TENM2: variants seen among roughly 807,000 people sequenced by gnomAD.
TENM2 encodes teneurin transmembrane protein 2, also known as teneurin-2.
A neutral mutation model predicts 245.2 loss-of-function variants in TENM2; 52 were observed. That is an observed-to-expected ratio of 0.21 (90% confidence interval 0.17 to 0.27). TENM2 has a LOEUF of 0.27. TENM2 is among the 10% of genes least tolerant of loss of function. The pLI is 1.00. For missense variants in TENM2, 3,046 were observed against 3,666.8 expected, an observed-to-expected ratio of 0.83 and a Z score of 4.37; for synonymous variants, 1,363 against 1,438.9, an observed-to-expected ratio of 0.95 and a Z score of 1.19.
chr5:167,564,737 G>A (rs948014664), intron 2 of TENM2, among the ~76,000 whole-genome samples: 28 of 152,250 alleles, frequency 1.8e-4, no homozygotes, highest in Non-Finnish European at 2.5e-4. Flanking sequence ...ATATTTGAGC[G>A]TTTCCCTCCT....
Position 167,290,507 on chromosome 5 carries a change from G to A in TENM2, c.226+5444G>A, listed in dbSNP as rs562609945. Among the ~76,000 whole-genome samples, 3 of 152,234 alleles carry A rather than the reference G, an allele frequency of 2.0e-5. No homozygotes were observed. The South Asian group carries it at 6.2e-4, about 32-fold the overall frequency. On this transcript the variant is annotated intron_variant, in intron 1 of 28. Coordinates refer to ENST00000518659, the Ensembl canonical transcript of TENM2. ...TGCTCTCCGACCCTAATAATACTTTGGTGCAACAGAAATTTTTCTTTCCTC... is the reference window on the plus strand; with the variant it reads ...TGCTCTCCGACCCTAATAATACTTTAGTGCAACAGAAATTTTTCTTTCCTC...
intron 2 of TENM2, among the ~76,000 whole-genome samples, chr5:167,465,470 G>T (rs1465232943): frequency 2.0e-5 from 3 of 152,152 alleles, no homozygotes; most frequent in African/African-American, 7.2e-5. Flanking sequence ...ATCTCACTGG[G>T]ACTCTCTATC....
intron 2 of TENM2, among the ~76,000 whole-genome samples, chr5:167,740,396 A>G (rs1761098701): frequency 6.6e-6 from 1 of 152,192 alleles, no homozygotes; most frequent in African/African-American, 2.4e-5. Context: ...TGCACCCAGA[A>G]CTGATAGAAT....
chr5:167,655,302 C>T (rs1754767449), intron 2 of TENM2, among the ~76,000 whole-genome samples: 1 of 152,146 alleles, frequency 6.6e-6, no homozygotes, highest in Non-Finnish European at 1.5e-5. Flanking sequence ...TCTACACCAA[C>T]AATTTTTCCA....
At chr5:167,497,689 C>A (rs1044956096) in intron 2 of TENM2, among the ~76,000 whole-genome samples, 1 of 152,040 alleles carries the variant, frequency 6.6e-6, no homozygotes, top group Non-Finnish European at 1.5e-5. Context: ...GGGTAGGTAT[C>A]GCACTGCTAA....
chr5:167,515,545 T>G (rs577435260), intron 2 of TENM2, among the ~76,000 whole-genome samples: 1 of 147,690 alleles, frequency 6.8e-6, no homozygotes, highest in East Asian at 2.0e-4. Context: ...TTCAGAGCCT[T>G]GTCCTCGAAG....
At chr5:167,770,367 G>A (rs771180746) in intron 2 of TENM2, among the ~76,000 whole-genome samples, 13 of 152,106 alleles carry the variant, frequency 8.5e-5, no homozygotes, top group Admixed American at 1.3e-4. Context: ...GAGAAGTTAC[G>A]GATGGCTGCA....
intron 2 of TENM2, among the ~76,000 whole-genome samples, chr5:167,574,606 A>G (rs1343869258): frequency 6.6e-6 from 1 of 151,880 alleles, no homozygotes; most frequent in Non-Finnish European, 1.5e-5. Context: ...CAAATGAAAT[A>G]TGAAGTTAAA....
At chr5:168,186,384 C>T (rs1405034568) in intron 13 of TENM2, 1 of 152,172 alleles carries the variant, frequency 6.6e-6, no homozygotes, top group Admixed American at 6.5e-5. Context: ...GATCACATTT[C>T]TCTGAAATTG....
At chr5:167,262,735 T>C in the TENM2 span, among the ~76,000 whole-genome samples, 5 of 152,168 alleles carry the variant, frequency 3.3e-5, no homozygotes, top group Non-Finnish European at 7.3e-5. Context: ...CCCTCAGTAT[T>C]AGTAAATTTA....
chr5:167,121,788 C>T, the TENM2 span, among the ~76,000 whole-genome samples: 1 of 152,156 alleles, frequency 6.6e-6, no homozygotes, highest in Non-Finnish European at 1.5e-5. Flanking sequence ...AAAAACTTTC[C>T]TCTGTATAGA....
intron 2 of TENM2, among the ~76,000 whole-genome samples, chr5:167,460,611 T>C (rs1196345325): frequency 6.6e-6 from 1 of 152,138 alleles, no homozygotes; most frequent in Non-Finnish European, 1.5e-5. Context: ...GTCTTTTTTT[T>C]TTTTCTCCCT....
At chr5:167,164,257 G>A in the TENM2 span, among the ~76,000 whole-genome samples, 1 of 152,162 alleles carries the variant, frequency 6.6e-6, no homozygotes, top group Non-Finnish European at 1.5e-5. Flanking sequence ...TAGGTGAGCT[G>A]CTTTACCTCT....
the TENM2 span, among the ~76,000 whole-genome samples, chr5:167,005,696 C>G: frequency 1.8e-5 from 2 of 113,694 alleles, no homozygotes; most frequent in Non-Finnish European, 3.3e-5. Flanking sequence ...GAGTCTCACT[C>G]TGTTGCCCAG....
chr5:167,493,542 G>T, intron 2 of TENM2, among the ~76,000 whole-genome samples: 1 of 152,182 alleles, frequency 6.6e-6, no homozygotes, highest in East Asian at 1.9e-4. Flanking sequence ...AATAACCATA[G>T]CCCCATTATT....
chr5:167,987,878 G>T (rs558098486), intron 4 of TENM2, among the ~76,000 whole-genome samples: 66 of 152,264 alleles, frequency 4.3e-4, no homozygotes, highest in African/African-American at 1.5e-3. Flanking sequence ...TGACACCAGG[G>T]TGTAACTGTA....
the TENM2 span, among the ~76,000 whole-genome samples, chr5:167,133,824 GAAA>G: frequency 7.5e-6 from 1 of 133,400 alleles, no homozygotes; most frequent in Non-Finnish European, 1.6e-5. Flanking sequence ...TGCTTGGGGC[GAAA>G]AAAAAAAAGG....
chr5:167,070,284 ATTT>A, the TENM2 span, among the ~76,000 whole-genome samples: 14 of 99,352 alleles, frequency 1.4e-4, no homozygotes, highest in African/African-American at 3.3e-4. Flanking sequence ...CGCCCGGCTA[ATTT>A]TTTTTTTTTT....
the TENM2 span, among the ~76,000 whole-genome samples, chr5:167,010,220 A>G: frequency 8.8e-4 from 134 of 152,252 alleles, 1 homozygote; most frequent in African/African-American, 3.1e-3. Context: ...CATCTCTACT[A>G]AAAATACAAA....
Sources: gnomAD v4.1 joint callset for allele counts (sites outside exome capture counted in the v4.1 genomes callset) on GRCh38, gnomAD v4.1.1 for gene constraint, MANE v1.5 for transcripts, NCBI Gene and HGNC (gene_info 2026-07-23, HGNC 2026-07-21) for gene names.